OR51B5: variants seen among roughly 807,000 people sequenced by gnomAD.
OR51B5 encodes olfactory receptor family 51 subfamily B member 5.
For synonymous variants in OR51B5, 186 were observed against 144.8 expected (o/e 1.28, Z -2.04); for missense variants, 456 against 374.6 (o/e 1.22, Z -1.79).
intron 1 of OR51B5, chr11:5,423,114 T>C: frequency 6.2e-7 from 1 of 1,605,218 alleles, no homozygotes; most frequent in Non-Finnish European, 8.5e-7. Flanking sequence ...CAATGGGGAA[T>C]GTTAAATTTC....
At chr11:5,450,187 G>A (rs367950869) in intron 1 of OR51B5, among the ~76,000 whole-genome samples, 1 of 151,984 alleles carries the variant, frequency 6.6e-6, no homozygotes, top group East Asian at 1.9e-4. Context: ...TCAGGTGTTC[G>A]AGACCAGCCT....
At chr11:5,497,092 G>A (rs189376634) in intron 1 of OR51B5, among the ~76,000 whole-genome samples, 3 of 151,660 alleles carry the variant, frequency 2.0e-5, no homozygotes, top group African/African-American at 7.3e-5. Flanking sequence ...GAGAGGAGAA[G>A]GAATTCTTTG....
chr11:5,357,957 C>A (rs1430670452), intron 1 of OR51B5, among the ~76,000 whole-genome samples: 3 of 151,988 alleles, frequency 2.0e-5, no homozygotes, highest in African/African-American at 7.3e-5. Flanking sequence ...AACAAAGACA[C>A]AACATACCAG....
intron 1 of OR51B5, chr11:5,456,321 T>A (rs1850958163): frequency 6.6e-6 from 1 of 152,176 alleles, no homozygotes; most frequent in African/African-American, 2.4e-5. Flanking sequence ...GAGCTACTGA[T>A]TTTCAGGTTC....
intron 1 of OR51B5, among the ~76,000 whole-genome samples, chr11:5,367,721 T>G (rs1464995097): frequency 6.6e-6 from 1 of 152,212 alleles, no homozygotes; most frequent in Non-Finnish European, 1.5e-5. Context: ...TCAGCCTTAT[T>G]GTACCCAGCT....
chr11:5,409,449 G>A (rs1328974077), intron 1 of OR51B5, among the ~76,000 whole-genome samples: 2 of 151,908 alleles, frequency 1.3e-5, no homozygotes, highest in African/African-American at 4.8e-5. Context: ...TGAAATAATG[G>A]AAAAATTCAC....
intron 1 of OR51B5, among the ~76,000 whole-genome samples, chr11:5,348,762 T>G (rs1176973716): frequency 1.8e-4 from 27 of 152,094 alleles, no homozygotes; most frequent in Admixed American, 1.8e-3. Flanking sequence ...CTGACTCAAA[T>G]GTTAATCTCC....
chr11:5,387,125 A>G lies in OR51B5; in HGVS notation n.85-40215T>C, dbSNP rs372630228. The stretch of plus-strand genomic sequence containing the variant: ...ATGAGAAGTTAAGGTGTTCAAGGAC[A>G]GTAAACTGAATAACATAAATATTTG... On this transcript the variant is annotated intron_variant and non_coding_transcript_variant, in intron 1 of 4. Coordinates refer to the OR51B5 transcript ENST00000415970. Among the ~76,000 whole-genome samples the G allele has an allele frequency of 1.2e-3, 178 of 152,330 alleles. 2 individuals carry two copies. The highest frequency in any genetic ancestry group is 4.1e-3 in the African/African-American group (169 of 41,572).
intron 1 of OR51B5, among the ~76,000 whole-genome samples, chr11:5,449,701 C>T (rs1463039436): frequency 6.6e-6 from 1 of 152,130 alleles, no homozygotes; most frequent in East Asian, 1.9e-4. Context: ...AAGCAGGACT[C>T]AGGATACAGG....
At chr11:5,361,597 C>T (rs1048056942) in intron 1 of OR51B5, among the ~76,000 whole-genome samples, 1 of 152,130 alleles carries the variant, frequency 6.6e-6, no homozygotes, top group African/African-American at 2.4e-5. Flanking sequence ...GAGGGAAATG[C>T]AGTAATGTAT....
chr11:5,357,153 A>G (rs1166408913), intron 1 of OR51B5, among the ~76,000 whole-genome samples: 1 of 152,206 alleles, frequency 6.6e-6, no homozygotes, highest in Admixed American at 6.5e-5. Flanking sequence ...AATGGGCTAA[A>G]TGCTCCAGTA....
intron 1 of OR51B5, among the ~76,000 whole-genome samples, chr11:5,396,676 C>T (rs1223161797): frequency 1.3e-5 from 2 of 151,968 alleles, no homozygotes; most frequent in African/African-American, 2.4e-5. Context: ...CTACCAATGA[C>T]TTTCTTCACA....
chr11:5,409,120 T>C (rs2133748528), intron 1 of OR51B5, among the ~76,000 whole-genome samples: 1 of 152,290 alleles, frequency 6.6e-6, no homozygotes, highest in South Asian at 2.1e-4. Context: ...AGAAAAGTCA[T>C]ATTTTAAAAT....
At chr11:5,483,399 C>A (rs544146770) in intron 1 of OR51B5, among the ~76,000 whole-genome samples, 23 of 140,546 alleles carry the variant, frequency 1.6e-4, no homozygotes, top group African/African-American at 6.2e-4. Flanking sequence ...GGAGATATAC[C>A]TAACGCTAGA....
intron 1 of OR51B5, among the ~76,000 whole-genome samples, chr11:5,373,980 G>T (rs1161569740): frequency 6.6e-6 from 1 of 152,192 alleles, no homozygotes; most frequent in Non-Finnish European, 1.5e-5. Flanking sequence ...GAGAGCAGTG[G>T]TTCTCCCAGC....
At chr11:5,419,598 G>T (rs2736593) in intron 1 of OR51B5, among the ~76,000 whole-genome samples, 124,963 of 152,124 alleles carry the variant, frequency 0.82, 52,150 homozygotes, top group Non-Finnish European at 0.89. Flanking sequence ...AGGAGTATGT[G>T]CATAGGCTAC....
chr11:5,457,354 A>G (rs962429748), intron 1 of OR51B5, among the ~76,000 whole-genome samples: 1 of 152,222 alleles, frequency 6.6e-6, no homozygotes, highest in Non-Finnish European at 1.5e-5. Flanking sequence ...GTATATATGT[A>G]CCACATTTTC....
chr11:5,389,686 C>T, intron 1 of OR51B5: 1 of 1,613,672 alleles, frequency 6.2e-7, no homozygotes, highest in Non-Finnish European at 8.5e-7. Context: ...CTATGGGGAT[C>T]TTCTGGTTTA....
chr11:5,376,478 G>A (rs1849529790), intron 1 of OR51B5, among the ~76,000 whole-genome samples: 1 of 152,076 alleles, frequency 6.6e-6, no homozygotes, highest in Non-Finnish European at 1.5e-5. Flanking sequence ...AGAACTGAAG[G>A]AAACAGAGAC....
Sources: allele counts gnomAD v4.1 joint callset (sites outside exome capture counted in the v4.1 genomes callset), GRCh38; gene constraint gnomAD v4.1.1; transcripts MANE v1.5; gene names NCBI Gene and HGNC (gene_info 2026-07-23, HGNC 2026-07-21).